LRRK1: variants seen among roughly 807,000 people sequenced by gnomAD.
The protein encoded by LRRK1 is leucine-rich repeat serine/threonine-protein kinase 1.
A neutral mutation model predicts 209.1 loss-of-function variants in LRRK1; 113 were observed. The ratio of observed to expected loss-of-function variants is 0.54; its 90% CI spans 0.46 to 0.63. LRRK1 has a LOEUF of 0.63. Among genes scored for constraint, LRRK1 ranks in the 30% least tolerant of loss-of-function variants. The pLI is 0.00. For synonymous variants in LRRK1, 1,144 were observed against 1,099.7 expected, an observed-to-expected ratio of 1.04 and a Z score of -0.80; for missense variants, 2,284 against 2,632.2, an observed-to-expected ratio of 0.87 and a Z score of 2.89.
At chr15:101,059,587 ATGTTGC>A (rs1370302471) in intron 29 of LRRK1, among the ~76,000 whole-genome samples, 1,667 of 150,744 alleles carry the variant, frequency 0.011, 26 homozygotes, top group African/African-American at 0.038. Context: ...ATGAGTAATT[ATGTTGC>A]TGTTGCTGGA....
At chr15:101,004,660 C>A (rs1430929556) in intron 6 of LRRK1, among the ~76,000 whole-genome samples, 2 of 152,128 alleles carry the variant, frequency 1.3e-5, no homozygotes, top group African/African-American at 4.8e-5. Context: ...CTGAACAGAG[C>A]CCAAAAAAGT....
At position 101,069,767 on chromosome 15, in the gene LRRK1, G is replaced by C. The variant is rs149965922; in HGVS notation, c.*919G>C. ...TTGTATGGGATTTATACCAAATTAT[G>C]TATTTGCTAAACATTCACTGCACAC... On this transcript the variant is annotated 3_prime_UTR_variant, in exon 34 of 34. Transcript: ENST00000388948. 9 of 152,768 alleles carry C rather than the reference G, an allele frequency of 5.9e-5. No individual in the cohort carries two copies. The highest frequency in any genetic ancestry group is 2.2e-4 in the African/African-American group (9 of 41,582). 9.5% of individuals were successfully genotyped at this position (152,768 alleles called of 1,614,324 possible). A position where few individuals can be genotyped will look rare whatever the true frequency, so the allele number is the denominator to read the frequency against.
Position 101,068,889 on chromosome 15 carries a change from CG to C in LRRK1, c.*45del, listed in dbSNP as rs1417322803. ...TGTCACACATCAGAGCTGGCTGGCC[CG>C]GGGCTGCAGCCTGACCCCTCTGCCA... is the stretch of plus-strand genomic sequence containing the variant. On this transcript the variant is annotated 3_prime_UTR_variant, in exon 34 of 34. Transcript: ENST00000388948. The C allele has an allele frequency of 2.0e-6, 3 of 1,536,146 alleles. No individual in the cohort carries two copies. Among genetic ancestry groups the C allele is most frequent in the Non-Finnish European group, 2.6e-6 (3 of 1,137,256 alleles).
intron 4 of LRRK1, among the ~76,000 whole-genome samples, chr15:100,984,267 G>C (rs2031754203): frequency 6.6e-6 from 1 of 152,180 alleles, no homozygotes; most frequent in Non-Finnish European, 1.5e-5. Context: ...ACTCTGTTTT[G>C]TGTTAGTGTG....
At chr15:100,958,914 T>C (rs891395655) in intron 2 of LRRK1, among the ~76,000 whole-genome samples, 3 of 152,212 alleles carry the variant, frequency 2.0e-5, no homozygotes, top group Non-Finnish European at 2.9e-5. Context: ...TTTGCAGTCA[T>C]GTATTTCTGG....
In LRRK1 at chr15:101,077,453, C is replaced by T. The variant is rs566060084; in HGVS notation, c.*8605C>T. 6.6e-6 allele frequency: 1 copy of T among 152,344 alleles called. No individual in the cohort carries two copies. The highest frequency in any genetic ancestry group is 2.4e-5 in the African/African-American group (1 of 41,580). 9.4% of individuals were successfully genotyped at this position (152,344 alleles called of 1,614,324 possible). ...CTCTTAAATACATAATCTTTGCTGG[C>T]AGGACTATGCTGAACCTCCTTTGGC... On this transcript the variant is annotated 3_prime_UTR_variant, in exon 34 of 34. Coordinates refer to ENST00000388948, the MANE Select transcript of LRRK1 (RefSeq NM_024652.6).
At chr15:100,926,061 C>G (rs775127622) in intron 2 of LRRK1, among the ~76,000 whole-genome samples, 2 of 152,222 alleles carry the variant, frequency 1.3e-5, no homozygotes, top group African/African-American at 2.4e-5. Context: ...CAGCAGCTGA[C>G]CAGGGTGATG....
chr15:100,983,879 A>T (rs1447509087), intron 4 of LRRK1, 180 bp downstream of exon 4: 1 of 762,548 alleles, frequency 1.3e-6, no homozygotes, highest in East Asian at 2.5e-5. Flanking sequence ...TCTCACTCCC[A>T]TGAACTCATA....
chr15:101,068,479 A>G (rs1295143426), intron 33 of LRRK1, among the ~76,000 whole-genome samples, 192 bp from the exon 34 acceptor site: 2 of 152,286 alleles, frequency 1.3e-5, no homozygotes, highest in East Asian at 1.9e-4. Context: ...TGGACTTTAT[A>G]AAGCCTAAGC....
At chr15:100,933,387 T>A (rs2042243463) in intron 2 of LRRK1, among the ~76,000 whole-genome samples, 1 of 152,238 alleles carries the variant, frequency 6.6e-6, no homozygotes. Context: ...GGGACATTTC[T>A]TGTATTTTCT....
Position 101,065,508 on chromosome 15 carries a change from T to C in LRRK1, c.5071T>C (p.Tyr1691His), listed in dbSNP as rs2036479708. The change falls in exon 32 of 34, where the codon TAC becomes CAC. Residue 1691 changes from tyrosine (Y) to histidine (H), a missense_variant. Tyr to His is a moderately conservative substitution (Grantham distance 83). Around this residue, in one of 6 missense-constraint regions of LRRK1, gnomAD observed 643 missense variants for 695.9 expected, o/e 0.92. Coordinates refer to ENST00000388948, the MANE Select transcript of LRRK1 (RefSeq NM_024652.6). Reference protein sequence around the residue: ...IADEDARQNPYPVKAMEVVNS... With the variant: ...IADEDARQNPHPVKAMEVVNS... ...GGATGAAGACGCACGGCAGAACCCCTACCCAGTGAAGGCCATGGAGGTGGT... is the reference window on the plus strand; with the variant it reads ...GGATGAAGACGCACGGCAGAACCCCCACCCAGTGAAGGCCATGGAGGTGGT... The C allele has an allele frequency of 6.2e-7, 1 of 1,614,190 alleles. No individual in the cohort carries two copies. The highest frequency in any genetic ancestry group is 2.2e-5 in the East Asian group (1 of 44,890).
chr15:101,028,831 TG>T, intron 19 of LRRK1, 124 bp from the exon 20 acceptor site: 1 of 1,043,990 alleles, frequency 9.6e-7, no homozygotes, highest in Non-Finnish European at 1.4e-6. Context: ...GTCCAGCATG[TG>T]GGACATGTTG....
chr15:101,056,551 C>T (rs1596337076), intron 27 of LRRK1, among the ~76,000 whole-genome samples: 3 of 151,138 alleles, frequency 2.0e-5, no homozygotes, highest in African/African-American at 7.3e-5. Context: ...GACAGGTGGT[C>T]GGATGGATAG....
At chr15:101,051,606 C>A in intron 23 of LRRK1, 105 bp from the exon 24 acceptor site, 1 of 1,432,720 alleles carries the variant, frequency 7.0e-7, no homozygotes, top group Non-Finnish European at 9.4e-7. Flanking sequence ...GGACAGGCAG[C>A]TCCCCTGCTG....
intron 6 of LRRK1, among the ~76,000 whole-genome samples, chr15:101,007,517 T>A (rs1993374): frequency 0.7 from 105,970 of 152,100 alleles, 36,911 homozygotes; most frequent in East Asian, 0.75. Context: ...GAGAAATGAG[T>A]GGAGCAAAGA....
chr15:100,958,286 T>C (rs2042806051), intron 2 of LRRK1, among the ~76,000 whole-genome samples: 1 of 152,252 alleles, frequency 6.6e-6, no homozygotes, highest in Non-Finnish European at 1.5e-5. Context: ...GGGCCCTTCA[T>C]TTTGGCACAA....
chr15:101,017,827 C>T (rs1046902601), intron 12 of LRRK1, among the ~76,000 whole-genome samples: 7 of 151,850 alleles, frequency 4.6e-5, no homozygotes, highest in East Asian at 1.9e-4. Context: ...AGGATGCTTG[C>T]GTGCGTTAAT....
Position 101,022,717 on chromosome 15 carries a change from T to C in LRRK1, c.2067+120T>C. ...GCCTGGTGTCCAAAGCTCAGGCCCT[T>C]TGCAGGAGCCACTGTGTACCATTCC... On this transcript the variant is annotated intron_variant, in intron 15 of 33. Coordinates refer to ENST00000388948, the MANE Select transcript of LRRK1 (RefSeq NM_024652.6). This position sits in a 1 kb window ranked among gnomAD's most constrained non-coding sequence, Gnocchi z 4.0. The C allele has an allele frequency of 1.5e-6, 1 of 673,588 alleles. No homozygotes were observed. The highest frequency in any genetic ancestry group is 2.5e-6 in the Non-Finnish European group (1 of 400,454). The allele number at this position is 673,588 out of a possible 1,614,324, so 41.7% of individuals were successfully genotyped here. A position where few individuals can be genotyped will look rare whatever the true frequency, so the allele number is the denominator to read the frequency against.
rs1359433750 is a variant in LRRK1 at position 100,989,320 on chromosome 15, T to A, written c.684T>A (p.Ser228Arg). 4 of 1,613,738 alleles carry A rather than the reference T, an allele frequency of 2.5e-6. No homozygotes were observed. ...AYFCSYILLD[S>R]PDPSKHLLRK... Reference sequence around the variant, plus strand: ...TCTGTTCCTACATCTTGCTGGATAGTCCTGACCCCAGCAAACATCTGCTGA... The same window carrying A: ...TCTGTTCCTACATCTTGCTGGATAGACCTGACCCCAGCAAACATCTGCTGA... Residue 228 changes from serine to arginine, a missense_variant, in exon 6 of 34, where the codon AGT becomes AGA. Physicochemically the swap from Ser to Arg is moderately radical, Grantham distance 110 (BLOSUM62 -1). Around this residue, in one of 6 missense-constraint regions of LRRK1, gnomAD observed 134 missense variants for 191.7 expected, o/e 0.70. Transcript: ENST00000388948.
Sources: gnomAD v4.1 joint callset for allele counts (sites outside exome capture counted in the v4.1 genomes callset) on GRCh38, gnomAD v4.1.1 for gene constraint, gnomAD v4.1.1 regional missense constraint, Gnocchi (gnomAD v3.1) non-coding constraint, MANE v1.5 for transcripts, NCBI Gene and HGNC (gene_info 2026-07-23, HGNC 2026-07-21) for gene names.